The following CD300LF variants were observed in gnomAD, a reference collection of about 807,000 sequenced individuals.
The protein encoded by CD300LF is CMRF35-like molecule 1.
CD300LF carries 27 observed loss-of-function variants against 32.2 expected under a neutral mutation model. That is an observed-to-expected ratio of 0.84 (90% CI 0.62 to 1.15). CD300LF has a LOEUF of 1.15. CD300LF is among the 50% of genes most tolerant of loss of function. The pLI, the probability that CD300LF is intolerant of heterozygous loss-of-function variation, is 0.00. For missense variants in CD300LF, 348 were observed against 356.8 expected (o/e 0.98, Z 0.20); for synonymous variants, 139 against 143.2 (o/e 0.97, Z 0.21).
rs1013416426 is a variant in CD300LF at position 74,704,743 on chromosome 17, C to T, written c.117G>A (p.Gln39=). The T allele has an allele frequency of 3.1e-6, 5 of 1,614,088 alleles. No individual in the cohort carries two copies. The highest frequency in any genetic ancestry group is 1.7e-5 in the Admixed American group (1 of 60,004). The part of the protein sequence containing the change: ...NGLERGSLTV[Q]CVYRSGWETY... ...TCTCCCAGCCTGATCTGTAAACACACTGCACGGTCAAGGAGCCCCGCTCCA... is the reference window on the plus strand; with the variant it reads ...TCTCCCAGCCTGATCTGTAAACACATTGCACGGTCAAGGAGCCCCGCTCCA... Residue 39 remains glutamine (Q), a synonymous_variant, in exon 2 of 7, where the codon CAG becomes CAA. Transcript: ENST00000326165.
intron 4 of CD300LF, among the ~76,000 whole-genome samples, chr17:74,696,475 C>G (rs1432419932): frequency 6.6e-6 from 1 of 152,230 alleles, no homozygotes. Context: ...GAACTGTGCA[C>G]TCAGCTGATC....
intron 3 of CD300LF, among the ~76,000 whole-genome samples, chr17:74,699,334 C>G (rs1418806152): frequency 2.0e-5 from 3 of 152,190 alleles, no homozygotes; most frequent in Non-Finnish European, 4.4e-5. Flanking sequence ...TGCCTCTACA[C>G]CTGCCCTCTC....
At chr17:74,710,459 A>T (rs2033862356) in intron 1 of CD300LF, among the ~76,000 whole-genome samples, 1 of 152,254 alleles carries the variant, frequency 6.6e-6, no homozygotes, top group Non-Finnish European at 1.5e-5. Context: ...AACTGCTAAT[A>T]AATAGTTGGA....
chr17:74,700,275 T>G (rs745676952), intron 3 of CD300LF, among the ~76,000 whole-genome samples: 33 of 152,162 alleles, frequency 2.2e-4, no homozygotes, highest in Non-Finnish European at 1.5e-5. Flanking sequence ...CCTCCACTCC[T>G]GCCTACGACT....
At position 74,704,744 on chromosome 17, in the gene CD300LF, T is replaced by G; in HGVS notation, c.116A>C (p.Gln39Pro). 1 of 1,614,164 alleles carries G rather than the reference T, an allele frequency of 6.2e-7. No homozygotes were observed. Among genetic ancestry groups the G allele is most frequent in the Non-Finnish European group, 8.5e-7 (1 of 1,180,018 alleles). The change falls in exon 2 of 7, where the codon CAG (glutamine) becomes CCG (proline). Residue 39 changes from glutamine to proline, a missense_variant. Gln to Pro is a moderately conservative substitution (Grantham distance 76, BLOSUM62 -1). Coordinates refer to ENST00000326165, the MANE Select transcript of CD300LF (RefSeq NM_139018.5). ...CTCCCAGCCTGATCTGTAAACACAC[T>G]GCACGGTCAAGGAGCCCCGCTCCAA... ...NGLERGSLTV[Q>P]CVYRSGWETY...
chr17:74,711,761 T>G (rs2033978702), intron 1 of CD300LF, among the ~76,000 whole-genome samples: 1 of 152,180 alleles, frequency 6.6e-6, no homozygotes, highest in African/African-American at 2.4e-5. Context: ...GGGGGTTGTT[T>G]CAGCCCACCT....
intron 1 of CD300LF, among the ~76,000 whole-genome samples, chr17:74,706,625 G>A (rs753038788): frequency 3.3e-5 from 5 of 152,050 alleles, no homozygotes; most frequent in Admixed American, 6.6e-5. Context: ...CCAAGATGGC[G>A]CCATAGCACT....
rs2033359941 is a variant in CD300LF, at chr17:74,704,637, C to T, written c.223G>A (p.Val75Met). The change falls in exon 2 of 7, where the codon GTG (valine) becomes ATG (methionine). Residue 75 changes from valine to methionine, a missense_variant. By Grantham distance (21) the Val-to-Met change is conservative. Coordinates refer to ENST00000326165, the MANE Select transcript of CD300LF (RefSeq NM_139018.5). ...LVKTSGSEQEVKRDRVSIKDN... is the reference protein window; with the variant it reads ...LVKTSGSEQEMKRDRVSIKDN... ...TTGATGGACACCCGGTCCCTCTTCA[C>T]CTCCTGCTCTGACCCACTGGTTTTA... The T allele has an allele frequency of 1.2e-6, 2 of 1,614,080 alleles. No homozygotes were observed. The highest frequency in any genetic ancestry group is 1.7e-5 in the Admixed American group (1 of 59,992).
chr17:74,702,014 G>A (rs547109136), intron 3 of CD300LF, among the ~76,000 whole-genome samples: 17 of 151,492 alleles, frequency 1.1e-4, no homozygotes, highest in African/African-American at 3.6e-4. Flanking sequence ...GAGCAAGACT[G>A]TCTAAAAATA....
chr17:74,695,902 G>A lies in CD300LF; in HGVS notation c.583-43C>T, dbSNP rs369355117. ...GGCTGGGGAGTCACAAGATCTGTCT[G>A]TGGACACAGGTTCCTTTTCCACGGT... On this transcript the variant is annotated intron_variant, in intron 5 of 6. Transcript: ENST00000326165. The A allele has an allele frequency of 2.5e-6, 4 of 1,590,636 alleles. No individual in the cohort carries two copies. In the African/African-American group the frequency reaches 4.0e-5, roughly 16 times the overall value.
intron 2 of CD300LF, 95 bp downstream of exon 2, chr17:74,704,383 A>T (rs1167060921): frequency 2.2e-6 from 2 of 915,720 alleles, no homozygotes; most frequent in Non-Finnish European, 3.4e-6. Context: ...CAAGTGATAG[A>T]TCACTCAGTG....
chr17:74,704,947 G>T, intron 1 of CD300LF, 131 bp from the exon 2 acceptor site: 1 of 735,518 alleles, frequency 1.4e-6, no homozygotes, highest in Non-Finnish European at 2.2e-6. Flanking sequence ...TACACCTTCC[G>T]CAGACAAAAC....
intron 3 of CD300LF, chr17:74,698,728 A>G: frequency 1.1e-6 from 1 of 896,118 alleles, no homozygotes; most frequent in East Asian, 2.7e-5. Context: ...GGGAGGAAGC[A>G]AAGAATCAAA....
At chr17:74,697,942 G>C (rs936950912) in intron 4 of CD300LF, among the ~76,000 whole-genome samples, 1 of 152,176 alleles carries the variant, frequency 6.6e-6, no homozygotes, top group African/African-American at 2.4e-5. Context: ...ATGTGTGTGT[G>C]CATCCACTGG....
At chr17:74,698,731 G>A in intron 3 of CD300LF, 1 of 899,414 alleles carries the variant, frequency 1.1e-6, no homozygotes, top group African/African-American at 1.7e-5. Context: ...AGGAAGCAAA[G>A]AATCAAAAAA....
chr17:74,710,131 A>C (rs1442551074), intron 1 of CD300LF, among the ~76,000 whole-genome samples: 1 of 151,838 alleles, frequency 6.6e-6, no homozygotes, highest in Non-Finnish European at 1.5e-5. Flanking sequence ...GGCGCCCACC[A>C]CCACGCCCAG....
chr17:74,698,460 AC>A lies in CD300LF; in HGVS notation c.467del (p.Ser156MetfsTer25). Reference sequence around the variant, plus strand: ...TGGTGAAGATGAGGGGCAGGAGGACACTGAGCTTCAGGAGCTTGTGCCTAGA... The same window carrying A: ...TGGTGAAGATGAGGGGCAGGAGGACATGAGCTTCAGGAGCTTGTGCCTAGA... The part of the protein sequence containing the change: ...LDNRHKLLKL[S>X]VLLPLIFTIL... On this transcript the variant is annotated frameshift_variant, in exon 4 of 7. Transcript: ENST00000326165. LOFTEE classifies it high-confidence loss of function. 1 of 1,613,944 alleles carries A rather than the reference AC, an allele frequency of 6.2e-7. No homozygotes were observed. The highest frequency in any genetic ancestry group is 8.5e-7 in the Non-Finnish European group (1 of 1,179,954).
rs1415301158 is a variant in CD300LF at position 74,702,832 on chromosome 17, G to A, written c.446+203C>T. Among the ~76,000 whole-genome samples the A allele has an allele frequency of 2.0e-5, 3 of 152,202 alleles. No individual in the cohort carries two copies. In the East Asian group the frequency reaches 5.8e-4, roughly 29 times the overall value. ...AATGAATGAACCTACAAACAGCACT[G>A]AGCTGCAGAATGAAGGATCTGTGGA... On this transcript the variant is annotated intron_variant, in intron 3 of 6. Coordinates refer to ENST00000326165, the MANE Select transcript of CD300LF (RefSeq NM_139018.5).
At chr17:74,695,328 G>C in intron 6 of CD300LF, 77 bp from the exon 7 acceptor site, 1 of 1,537,970 alleles carries the variant, frequency 6.5e-7, no homozygotes, top group South Asian at 1.2e-5. Context: ...CCTCGGAGGA[G>C]GATAGTGGGG....
Sources: allele counts gnomAD v4.1 joint callset (sites outside exome capture counted in the v4.1 genomes callset), GRCh38; gene constraint gnomAD v4.1.1; transcripts MANE v1.5; gene names NCBI Gene and HGNC (gene_info 2026-07-23, HGNC 2026-07-21).